The following OR8A1 variants were observed in gnomAD, a reference collection of about 807,000 sequenced individuals.
OR8A1 encodes the protein olfactory receptor family 8 subfamily A member 1.
OR8A1 carries 5 observed loss-of-function variants against 13.4 expected under a neutral mutation model. The observed-to-expected ratio is 0.37, with a 90% CI of 0.19 to 0.78. The LOEUF (loss-of-function observed/expected upper bound fraction) is 0.78. OR8A1 is among the 30% of genes least tolerant of loss of function. OR8A1 has a pLI of 0.47. For missense variants in OR8A1, 354 were observed against 374.8 expected, an observed-to-expected ratio of 0.94 and a Z score of 0.46; for synonymous variants, 156 against 150.4, an observed-to-expected ratio of 1.04 and a Z score of -0.27.
rs748766032 is a variant in OR8A1 at position 124,570,825 on chromosome 11, G to A, written c.706G>A (p.Ala236Thr). 1.9e-6 allele frequency: 3 copies of A among 1,614,090 alleles called. No homozygotes were observed. The highest frequency in any genetic ancestry group is 2.2e-5 in the East Asian group (1 of 44,872). ...CAGCACCACAGAGGGGAGATCCAAA[G>A]CCTTCAGCACCTGCAGCTCCCACCT... ...GISTTEGRSK[A>T]FSTCSSHLAA... The change falls in exon 1 of 1, where the codon GCC (alanine) becomes ACC (threonine). Residue 236 changes from alanine (A) to threonine (T), a missense_variant. Physicochemically the swap from Ala to Thr is moderately conservative, Grantham distance 58. Transcript: ENST00000284287.
In OR8A1 at chr11:124,570,963, C is replaced by A. The variant is rs1862677825; in HGVS notation, c.844C>A (p.Pro282Thr). 6.2e-7 allele frequency: 1 copy of A among 1,613,872 alleles called. No homozygotes were observed. The highest frequency in any genetic ancestry group is 1.1e-5 in the South Asian group (1 of 91,080). Reference sequence around the variant, plus strand: ...CTCTGTGTTCTACACCACGGTAATCCCCATGTTGAATCCCCTAATCTACAG... The same window carrying A: ...CTCTGTGTTCTACACCACGGTAATCACCATGTTGAATCCCCTAATCTACAG... Reference protein sequence around the residue: ...VASVFYTTVIPMLNPLIYSLR... With the variant: ...VASVFYTTVITMLNPLIYSLR... Residue 282 changes from proline (P) to threonine (T), a missense_variant, in exon 1 of 1, where the codon CCC becomes ACC. Physicochemically the swap from Pro to Thr is conservative, Grantham distance 38 (BLOSUM62 -1). Coordinates refer to ENST00000284287, the MANE Select transcript of OR8A1 (RefSeq NM_001005194.2).
At position 124,570,913 on chromosome 11, in the gene OR8A1, G is replaced by A. The variant is rs774426653; in HGVS notation, c.794G>A (p.Ser265Asn). 2 of 1,613,950 alleles carry A rather than the reference G, an allele frequency of 1.2e-6. No homozygotes were observed. The highest frequency in any genetic ancestry group is 1.3e-5 in the African/African-American group (1 of 74,902). Reference protein sequence around the residue: ...AFMYLKPSTISSLTQENVASV... With the variant: ...AFMYLKPSTINSLTQENVASV... ...ATGTACTTAAAACCCTCCACAATCA[G>A]TTCCTTGACCCAGGAGAATGTGGCC... Residue 265 changes from serine to asparagine, a missense_variant, in exon 1 of 1, where the codon AGT (serine) becomes AAT (asparagine). Ser to Asn is a conservative substitution (Grantham distance 46). Transcript: ENST00000284287.
rs768536435 is a variant in OR8A1 at position 124,570,967 on chromosome 11, T to G, written c.848T>G (p.Met283Arg). 29 of 1,613,896 alleles carry G rather than the reference T, an allele frequency of 1.8e-5. No homozygotes were observed. Among genetic ancestry groups the G allele is most frequent in the Non-Finnish European group, 2.0e-5 (24 of 1,179,970 alleles). ...GTGTTCTACACCACGGTAATCCCCA[T>G]GTTGAATCCCCTAATCTACAGCCTG... is the stretch of plus-strand genomic sequence containing the variant. ...ASVFYTTVIP[M>R]LNPLIYSLRN... is the part of the protein sequence containing the mutation. The change falls in exon 1 of 1, where the codon ATG becomes AGG. Residue 283 changes from methionine to arginine, a missense_variant. Physicochemically the swap from Met to Arg is moderately conservative, Grantham distance 91 (BLOSUM62 -1). Coordinates refer to ENST00000284287, the MANE Select transcript of OR8A1 (RefSeq NM_001005194.2).
In OR8A1 at chr11:124,570,646, A is replaced by G; in HGVS notation, c.527A>G (p.Tyr176Cys). The change falls in exon 1 of 1, where the codon TAC becomes TGC. Residue 176 changes from tyrosine to cysteine, a missense_variant. Physicochemically the swap from Tyr to Cys is radical, Grantham distance 194. Coordinates refer to ENST00000284287, the MANE Select transcript of OR8A1 (RefSeq NM_001005194.2). ...LPYCEHLISH[Y>C]FCDILPLMKL... is the part of the protein sequence containing the mutation. The stretch of plus-strand genomic sequence containing the variant: ...TATTGTGAGCACCTCATCAGTCACT[A>G]CTTCTGTGACATCCTCCCTCTCATG... 2 of 1,613,996 alleles carry G rather than the reference A, an allele frequency of 1.2e-6. No homozygotes were observed. The highest frequency in any genetic ancestry group is 1.7e-6 in the Non-Finnish European group (2 of 1,179,958).
chr11:124,571,179 T>C lies in OR8A1; in HGVS notation c.*130T>C. The C allele has an allele frequency of 1.3e-6, 1 of 760,988 alleles. No homozygotes were observed. Among genetic ancestry groups the C allele is most frequent in the East Asian group, 2.7e-5 (1 of 36,624 alleles). The allele number at this position is 760,988 out of a possible 1,614,324, so 47.1% of individuals were successfully genotyped here. The stretch of plus-strand genomic sequence containing the variant: ...CACATGGCTGGGTGAATGGGCATTT[T>C]TCCTTCTTTCCTCTTCCTTCCCTCT... On this transcript the variant is annotated 3_prime_UTR_variant, in exon 1 of 1. Transcript: ENST00000284287.
In OR8A1 at chr11:124,570,320, A is replaced by G. The variant is rs748252660; in HGVS notation, c.201A>G (p.Ser67=). Residue 67 remains serine (S), a synonymous_variant, in exon 1 of 1, where the codon TCA becomes TCG. Coordinates refer to ENST00000284287, the MANE Select transcript of OR8A1 (RefSeq NM_001005194.2). ...TGTACTACTTTCTCAGCAATCTGTC[A>G]CTCATGGATCTCTGCTACTCCTCCG... is the stretch of plus-strand genomic sequence containing the variant. ...TPMYYFLSNL[S]LMDLCYSSVI... 1.9e-6 allele frequency: 3 copies of G among 1,613,738 alleles called. No individual in the cohort carries two copies. Among genetic ancestry groups the G allele is most frequent in the Non-Finnish European group, 2.5e-6 (3 of 1,179,990 alleles).
chr11:124,571,130 G>A lies in OR8A1; in HGVS notation c.*81G>A. The A allele has an allele frequency of 2.2e-6, 3 of 1,366,940 alleles. No individual in the cohort carries two copies. Among genetic ancestry groups the A allele is most frequent in the Non-Finnish European group, 3.0e-6 (3 of 1,006,294 alleles). The allele number at this position is 1,366,940 out of a possible 1,614,324, so 84.7% of individuals were successfully genotyped here. The stretch of plus-strand genomic sequence containing the variant: ...GACAGCTTCTGAATGCTGGCCAGCT[G>A]TGGATGGAAAATAATCACTTCTCCA... On this transcript the variant is annotated 3_prime_UTR_variant, in exon 1 of 1. Transcript: ENST00000284287.
At position 124,571,299 on chromosome 11, in the gene OR8A1, G is replaced by A. The variant is rs1412828597; in HGVS notation, c.*250G>A. The A allele has an allele frequency of 2.1e-6, 1 of 468,520 alleles. No individual in the cohort carries two copies. Among genetic ancestry groups the A allele is most frequent in the African/African-American group, 2.0e-5 (1 of 50,150 alleles). 29.0% of individuals were successfully genotyped at this position (468,520 alleles called of 1,614,324 possible). A position where few individuals can be genotyped will look rare whatever the true frequency, so the allele number is the denominator to read the frequency against. ...TCTCTTTGAAGCCAGCCAACTTCAG[G>A]TTCAGGTTTTCTTTCACTTGAGATC... On this transcript the variant is annotated 3_prime_UTR_variant, in exon 1 of 1. Transcript: ENST00000284287.
Position 124,570,002 on chromosome 11 carries a change from G to A in OR8A1, c.-118G>A. On this transcript the variant is annotated 5_prime_UTR_variant, in exon 1 of 1. Transcript: ENST00000284287. ...GGAGGAGGGCGGGGAGGATGCATCA[G>A]CAGAGAGCCCAGGATGTTTCACTAG... 1 of 1,506,666 alleles carries A rather than the reference G, an allele frequency of 6.6e-7. No homozygotes were observed. Among genetic ancestry groups the A allele is most frequent in the Non-Finnish European group, 8.9e-7 (1 of 1,119,808 alleles). 93.3% of individuals were successfully genotyped at this position (1,506,666 alleles called of 1,614,324 possible).
chr11:124,570,218 G>T lies in OR8A1; in HGVS notation c.99G>T (p.Gly33=). 6.2e-7 allele frequency: 1 copy of T among 1,613,942 alleles called. No individual in the cohort carries two copies. Among genetic ancestry groups the T allele is most frequent in the South Asian group, 1.1e-5 (1 of 91,056 alleles). The change falls in exon 1 of 1, where the codon GGG becomes GGT. Residue 33 remains glycine (G), a synonymous_variant. Transcript: ENST00000284287. ...LQLPLFLLFL[G]IYLVTIVGNL... is the part of the protein sequence containing the mutation. ...TCCCCCTCTTTCTCCTCTTCCTCGG[G>T]ATCTACTTGGTCACCATCGTGGGGA...
Position 124,570,086 on chromosome 11 carries a change from C to A in OR8A1, c.-34C>A. ...GCCTTTTAATGGGGTTCTTGTCTCC[C>A]ATGCATCCCTGCAGGCCTCCCACCC... On this transcript the variant is annotated 5_prime_UTR_variant, in exon 1 of 1. Coordinates refer to ENST00000284287, the MANE Select transcript of OR8A1 (RefSeq NM_001005194.2). 1 of 1,612,186 alleles carries A rather than the reference C, an allele frequency of 6.2e-7. No homozygotes were observed. The highest frequency in any genetic ancestry group is 8.5e-7 in the Non-Finnish European group (1 of 1,179,012).
In OR8A1 at chr11:124,570,275, C is replaced by G. The variant is rs945391639; in HGVS notation, c.156C>G (p.Asn52Lys). Residue 52 changes from asparagine (N) to lysine (K), a missense_variant, in exon 1 of 1, where the codon AAC becomes AAG. Coordinates refer to ENST00000284287, the MANE Select transcript of OR8A1 (RefSeq NM_001005194.2). ...GCATGATCACTCTAATTTGTCTGAA[C>G]TCTCAGCTGCACACCCCCATGTACT... ...NLGMITLICL[N>K]SQLHTPMYYF... 3.7e-6 allele frequency: 6 copies of G among 1,613,974 alleles called. No homozygotes were observed. The African/African-American group carries it at 6.7e-5, about 18-fold the overall frequency.
At position 124,570,256 on chromosome 11, in the gene OR8A1, T is replaced by G; in HGVS notation, c.137T>G (p.Ile46Ser). ...LVTIVGNLGM[I>S]TLICLNSQLH... ...ACCATCGTGGGGAACCTGGGCATGA[T>G]CACTCTAATTTGTCTGAACTCTCAG... The change falls in exon 1 of 1, where the codon ATC becomes AGC. Residue 46 changes from isoleucine (I) to serine (S), a missense_variant. Ile to Ser is a moderately radical substitution (Grantham distance 142). Coordinates refer to ENST00000284287, the MANE Select transcript of OR8A1 (RefSeq NM_001005194.2). 1 of 1,614,042 alleles carries G rather than the reference T, an allele frequency of 6.2e-7. No individual in the cohort carries two copies. The highest frequency in any genetic ancestry group is 8.5e-7 in the Non-Finnish European group (1 of 1,180,010).
At position 124,571,074 on chromosome 11, in the gene OR8A1, A is replaced by G; in HGVS notation, c.*25A>G. The G allele has an allele frequency of 1.9e-6, 3 of 1,579,620 alleles. No homozygotes were observed. The East Asian group carries it at 6.7e-5, about 35-fold the overall frequency. Reference sequence around the variant, plus strand: ...ATGCAAATGTTATTGTTCCTTTTCAATTTAGTGGTAATTGTTATAAATACC... The same window carrying G: ...ATGCAAATGTTATTGTTCCTTTTCAGTTTAGTGGTAATTGTTATAAATACC... On this transcript the variant is annotated 3_prime_UTR_variant, in exon 1 of 1. Coordinates refer to ENST00000284287, the MANE Select transcript of OR8A1 (RefSeq NM_001005194.2).
Position 124,570,212 on chromosome 11 carries a change from C to T in OR8A1, c.93C>T (p.Phe31=). The change falls in exon 1 of 1, where the codon TTC becomes TTT. Residue 31 remains phenylalanine, a synonymous_variant. Transcript: ENST00000284287. Reference sequence around the variant, plus strand: ...TCCAGCTCCCCCTCTTTCTCCTCTTCCTCGGGATCTACTTGGTCACCATCG... The same window carrying T: ...TCCAGCTCCCCCTCTTTCTCCTCTTTCTCGGGATCTACTTGGTCACCATCG... ...ADLQLPLFLL[F]LGIYLVTIVG... is the part of the protein sequence containing the mutation. 1 of 1,614,062 alleles carries T rather than the reference C, an allele frequency of 6.2e-7. No individual in the cohort carries two copies. The highest frequency in any genetic ancestry group is 1.6e-4 in the Middle Eastern group (1 of 6,062).
rs1335115617 is a variant in OR8A1 at position 124,570,352 on chromosome 11, C to T, written c.233C>T (p.Thr78Ile). Residue 78 changes from threonine to isoleucine, a missense_variant, in exon 1 of 1, where the codon ACC (threonine) becomes ATC (isoleucine). By Grantham distance (89) the Thr-to-Ile change is moderately conservative (BLOSUM62 -1). Coordinates refer to ENST00000284287, the MANE Select transcript of OR8A1 (RefSeq NM_001005194.2). Reference sequence around the variant, plus strand: ...GATCTCTGCTACTCCTCCGTCATTACCCCTAAGATGCTGGTGAACTTTGTG... The same window carrying T: ...GATCTCTGCTACTCCTCCGTCATTATCCCTAAGATGCTGGTGAACTTTGTG... ...LMDLCYSSVI[T>I]PKMLVNFVSE... 3 of 1,614,106 alleles carry T rather than the reference C, an allele frequency of 1.9e-6. No homozygotes were observed. Among genetic ancestry groups the T allele is most frequent in the East Asian group, 4.5e-5 (2 of 44,880 alleles).
In OR8A1 at chr11:124,570,694, A is replaced by C. The variant is rs141748167; in HGVS notation, c.575A>C (p.Tyr192Ser). 1 of 1,614,090 alleles carries C rather than the reference A, an allele frequency of 6.2e-7. No homozygotes were observed. Among genetic ancestry groups the C allele is most frequent in the Non-Finnish European group, 8.5e-7 (1 of 1,179,998 alleles). ...PLMKLSCSSTYDVEMTVFFSA... is the reference protein window; with the variant it reads ...PLMKLSCSSTSDVEMTVFFSA... ...ATGAAGCTGTCCTGCTCTAGCACCT[A>C]TGATGTTGAGATGACAGTCTTCTTT... The change falls in exon 1 of 1, where the codon TAT becomes TCT. Residue 192 changes from tyrosine (Y) to serine (S), a missense_variant. Tyr to Ser is a moderately radical substitution (Grantham distance 144). Transcript: ENST00000284287.
chr11:124,570,153 T>C lies in OR8A1; in HGVS notation c.34T>C (p.Phe12Leu). 6.2e-7 allele frequency: 1 copy of C among 1,613,454 alleles called. No homozygotes were observed. Among genetic ancestry groups the C allele is most frequent in the Non-Finnish European group, 8.5e-7 (1 of 1,179,828 alleles). ...AGGAAATCACTCTACAGTGACAGAG[T>C]TCATTCTCAAGGGTTTAACGAAGAG... ...AAGNHSTVTE[F>L]ILKGLTKRAD... The change falls in exon 1 of 1, where the codon TTC becomes CTC. Residue 12 changes from phenylalanine (F) to leucine (L), a missense_variant. Physicochemically the swap from Phe to Leu is conservative, Grantham distance 22. Coordinates refer to ENST00000284287, the MANE Select transcript of OR8A1 (RefSeq NM_001005194.2).
rs147478128 is a variant in OR8A1, at chr11:124,570,173, G to A, written c.54G>A (p.Thr18=). The change falls in exon 1 of 1, where the codon ACG becomes ACA. Residue 18 remains threonine, a synonymous_variant. Coordinates refer to ENST00000284287, the MANE Select transcript of OR8A1 (RefSeq NM_001005194.2). The part of the protein sequence containing the change: ...TVTEFILKGL[T]KRADLQLPLF... ...CAGAGTTCATTCTCAAGGGTTTAAC[G>A]AAGAGAGCAGACCTCCAGCTCCCCC... 7.7e-5 allele frequency: 125 copies of A among 1,613,748 alleles called. No individual in the cohort carries two copies. The highest frequency in any genetic ancestry group is 9.6e-5 in the Non-Finnish European group (113 of 1,179,956).
Sources: allele counts gnomAD v4.1 joint callset, GRCh38; gene constraint gnomAD v4.1.1; transcripts MANE v1.5; gene names NCBI Gene and HGNC (gene_info 2026-07-23, HGNC 2026-07-21).